The following AGTPBP1 variants were observed in gnomAD, a reference collection of about 807,000 sequenced individuals.
The protein encoded by AGTPBP1 is cytosolic carboxypeptidase 1.
AGTPBP1 carries 70 observed loss-of-function variants against 143.9 expected under a neutral mutation model. The ratio of observed to expected loss-of-function variants is 0.49; its 90% confidence interval spans 0.40 to 0.59. The LOEUF (loss-of-function observed/expected upper bound fraction) is 0.59. AGTPBP1 is among the 20% of genes least tolerant of loss of function. The pLI is 0.00. For missense variants in AGTPBP1, 1,229 were observed against 1,464.5 expected (o/e 0.84, Z 2.62); for synonymous variants, 463 against 500.2 (o/e 0.93, Z 0.99).
chr9:85,703,426 C>T (rs933539690), intron 2 of AGTPBP1, among the ~76,000 whole-genome samples: 13 of 152,146 alleles, frequency 8.5e-5, no homozygotes, highest in African/African-American at 3.1e-4. Context: ...AAAGCCTGGT[C>T]AAGGTAGCAA....
At chr9:85,549,775 G>C (rs1216955528) in intron 25 of AGTPBP1, among the ~76,000 whole-genome samples, 2 of 152,148 alleles carry the variant, frequency 1.3e-5, no homozygotes, top group African/African-American at 4.8e-5. Flanking sequence ...CAAGTACCTG[G>C]AAAATAAAAG....
intron 20 of AGTPBP1, 124 bp downstream of exon 20, chr9:85,589,404 G>A: frequency 4.7e-6 from 6 of 1,263,420 alleles, no homozygotes; most frequent in Non-Finnish European, 6.4e-6. Context: ...TAATAGCAGG[G>A]CCAAGACTAG....
Position 85,711,287 on chromosome 9 carries a change from T to C in AGTPBP1, c.32+1215A>G, listed in dbSNP as rs571325878. On this transcript the variant is annotated intron_variant, in intron 2 of 25. Transcript: ENST00000357081. ...GTTACACAATTTGCTCATCACTGTATAGCCAAGACAATTTCAATATACAAT... is the reference window on the plus strand; with the variant it reads ...GTTACACAATTTGCTCATCACTGTACAGCCAAGACAATTTCAATATACAAT... 2.6e-5 allele frequency among the ~76,000 whole-genome samples: 4 copies of C among 152,290 alleles called. No individual in the cohort carries two copies. The South Asian group carries it at 8.3e-4, about 32-fold the overall frequency.
chr9:85,568,443 T>C (rs1442446867), intron 25 of AGTPBP1, among the ~76,000 whole-genome samples: 2 of 152,158 alleles, frequency 1.3e-5, no homozygotes, highest in Non-Finnish European at 2.9e-5. Flanking sequence ...GCAGTTAGAA[T>C]GATAAGGATA....
intron 25 of AGTPBP1, among the ~76,000 whole-genome samples, chr9:85,556,522 C>T (rs953635437): frequency 6.6e-6 from 1 of 151,924 alleles, no homozygotes; most frequent in Non-Finnish European, 1.5e-5. Context: ...AGTAAATACT[C>T]CAATTAAAAG....
the AGTPBP1 span, among the ~76,000 whole-genome samples, chr9:85,751,357 T>G: frequency 6.6e-6 from 1 of 152,226 alleles, no homozygotes; most frequent in South Asian, 2.1e-4. Context: ...CATGAATTAG[T>G]AGAAAAGTGA....
At chr9:85,646,293 C>G (rs1832801744) in intron 12 of AGTPBP1, 28 bp downstream of exon 12, 13 of 1,533,032 alleles carry the variant, frequency 8.5e-6, no homozygotes, top group Non-Finnish European at 1.2e-5. Flanking sequence ...ATTTATAAAG[C>G]TAACTAATTA....
intron 17 of AGTPBP1, among the ~76,000 whole-genome samples, chr9:85,597,455 C>T (rs1446017923): frequency 6.6e-6 from 1 of 151,924 alleles, no homozygotes; most frequent in Non-Finnish European, 1.5e-5. Context: ...TAAGAACAAA[C>T]AATTCTTTTT....
At chr9:85,608,515 A>G (rs1226835517) in intron 17 of AGTPBP1, among the ~76,000 whole-genome samples, 2 of 152,056 alleles carry the variant, frequency 1.3e-5, no homozygotes, top group Non-Finnish European at 2.9e-5. Context: ...ATATCTTCTT[A>G]TGTGAAGAAG....
At chr9:85,588,900 T>C (rs1423156192) in intron 20 of AGTPBP1, among the ~76,000 whole-genome samples, 4 of 151,958 alleles carry the variant, frequency 2.6e-5, no homozygotes, top group East Asian at 1.9e-4. Flanking sequence ...CTGATAAGCA[T>C]AGAGAAACAA....
chr9:85,572,951 G>C (rs1312473718), intron 25 of AGTPBP1, among the ~76,000 whole-genome samples: 4 of 152,092 alleles, frequency 2.6e-5, no homozygotes, highest in African/African-American at 4.8e-5. Context: ...TTGATGACAA[G>C]TTAATACCTA....
chr9:85,688,237 T>C lies in AGTPBP1; in HGVS notation c.157+4452A>G, dbSNP rs147665230. Among the ~76,000 whole-genome samples the C allele has an allele frequency of 2.4e-3, 371 of 152,128 alleles. 1 individual carries two copies. Among genetic ancestry groups the C allele is most frequent in the African/African-American group, 7.9e-3 (328 of 41,500 alleles). ...TCAATTAAACCAGAAGTTAATTCTTTAAAAATATCAACAAAATTGACAAAC... is the reference window on the plus strand; with the variant it reads ...TCAATTAAACCAGAAGTTAATTCTTCAAAAATATCAACAAAATTGACAAAC... On this transcript the variant is annotated intron_variant, in intron 3 of 25. Coordinates refer to ENST00000357081, the MANE Select transcript of AGTPBP1 (RefSeq NM_001330701.2).
chr9:85,779,206 G>C, the AGTPBP1 span, among the ~76,000 whole-genome samples: 1 of 98,728 alleles, frequency 1.0e-5, no homozygotes, highest in East Asian at 3.2e-4. Context: ...TATAGATATA[G>C]ATATAGATAT....
At chr9:85,630,987 T>C (rs1808749233) in intron 14 of AGTPBP1, among the ~76,000 whole-genome samples, 1 of 152,172 alleles carries the variant, frequency 6.6e-6, no homozygotes, top group South Asian at 2.1e-4. Flanking sequence ...TTGCCTATGT[T>C]CCACACATAG....
the AGTPBP1 span, among the ~76,000 whole-genome samples, chr9:85,777,858 A>G: frequency 6.6e-6 from 1 of 152,174 alleles, no homozygotes; most frequent in South Asian, 2.1e-4. Flanking sequence ...AACCAGGTGC[A>G]CTGTTCGAAG....
intron 11 of AGTPBP1, among the ~76,000 whole-genome samples, chr9:85,651,685 C>A (rs886494664): frequency 2.8e-4 from 42 of 152,112 alleles, no homozygotes; most frequent in Non-Finnish European, 4.9e-4. Context: ...CCAAACATAC[C>A]TAAGAATATG....
chr9:85,549,355 T>C (rs949450184), intron 25 of AGTPBP1, among the ~76,000 whole-genome samples: 4 of 151,956 alleles, frequency 2.6e-5, no homozygotes, highest in Non-Finnish European at 5.9e-5. Context: ...ACAAAATCCA[T>C]GTGTTGGGTA....
chr9:85,752,316 A>G, the AGTPBP1 span, among the ~76,000 whole-genome samples: 5 of 152,162 alleles, frequency 3.3e-5, no homozygotes, highest in South Asian at 2.1e-4. Flanking sequence ...TTCCAAGTCT[A>G]TTCTCATATT....
chr9:85,608,341 A>C (rs892221772), intron 17 of AGTPBP1, among the ~76,000 whole-genome samples: 8 of 152,122 alleles, frequency 5.3e-5, no homozygotes, highest in African/African-American at 1.4e-4. Flanking sequence ...TATAAGCAGA[A>C]ATCGACAGGG....
Sources: allele counts gnomAD v4.1 joint callset (sites outside exome capture counted in the v4.1 genomes callset), GRCh38; gene constraint gnomAD v4.1.1; transcripts MANE v1.5; gene names NCBI Gene and HGNC (gene_info 2026-07-23, HGNC 2026-07-21).